RPRD1A: variants seen among roughly 807,000 people sequenced by gnomAD.
RPRD1A encodes regulation of nuclear pre-mRNA domain containing 1A.
In RPRD1A, 9 loss-of-function variants were observed where a neutral mutation model predicts 37.8. The ratio of observed to expected loss-of-function variants is 0.24; its 90% confidence interval spans 0.14 to 0.42. RPRD1A has a LOEUF of 0.42. RPRD1A is among the 10% of genes least tolerant of loss of function. The pLI, the probability that RPRD1A is intolerant of heterozygous loss-of-function variation, is 1.00. For missense variants in RPRD1A, 255 were observed against 371.0 expected, an observed-to-expected ratio of 0.69 and a Z score of 2.57; for synonymous variants, 138 against 139.7, an observed-to-expected ratio of 0.99 and a Z score of 0.08.
In RPRD1A at chr18:36,067,531, A is replaced by G. The variant is rs1250945145; in HGVS notation, c.-127T>C. The G allele has an allele frequency of 1.0e-6, 1 of 971,244 alleles. No individual in the cohort carries two copies. Among genetic ancestry groups the G allele is most frequent in the Non-Finnish European group, 1.5e-6 (1 of 685,554 alleles). 60.2% of individuals were successfully genotyped at this position (971,244 alleles called of 1,614,324 possible). On this transcript the variant is annotated 5_prime_UTR_variant, in exon 1 of 7. An upstream start codon of the reference 5' UTR is lost. Transcript: ENST00000399022. The stretch of plus-strand genomic sequence containing the variant: ...ACGCTCTCACCACGGCCGCCGCTTC[A>G]TCCAAGACCGGCCGCAAACCAGCAA...
chr18:36,053,638 T>C (rs995513585), intron 1 of RPRD1A, among the ~76,000 whole-genome samples: 2 of 152,200 alleles, frequency 1.3e-5, no homozygotes, highest in Non-Finnish European at 2.9e-5. Flanking sequence ...TCTTATAAAG[T>C]ATTTGTTTGA....
At chr18:36,066,337 T>C (rs917820225) in intron 1 of RPRD1A, among the ~76,000 whole-genome samples, 6 of 152,244 alleles carry the variant, frequency 3.9e-5, no homozygotes, top group African/African-American at 1.4e-4. Context: ...AGCGTCTATT[T>C]TGATTAATAA....
chr18:35,997,489 CA>C (rs1440341025), intron 6 of RPRD1A, among the ~76,000 whole-genome samples: 1 of 150,760 alleles, frequency 6.6e-6, no homozygotes, highest in African/African-American at 2.5e-5. Context: ...CATTCATAAG[CA>C]AAACATTCAA....
At chr18:35,998,003 A>G (rs1056160228) in intron 6 of RPRD1A, among the ~76,000 whole-genome samples, 2 of 152,222 alleles carry the variant, frequency 1.3e-5, no homozygotes, top group African/African-American at 4.8e-5. Context: ...ATTCTAAGAA[A>G]TAATATCCAT....
At chr18:36,027,638 T>C (rs1320311623) in intron 4 of RPRD1A, 6 of 203,148 alleles carry the variant, frequency 3.0e-5, no homozygotes, top group Admixed American at 1.0e-4. Flanking sequence ...AAAGAGAAGG[T>C]AGGCTATAAC....
At chr18:36,059,404 C>T (rs930449247) in intron 1 of RPRD1A, among the ~76,000 whole-genome samples, 1 of 152,116 alleles carries the variant, frequency 6.6e-6, no homozygotes, top group Non-Finnish European at 1.5e-5. Context: ...TCCCAAAGTG[C>T]TGGGATTACA....
intron 6 of RPRD1A, among the ~76,000 whole-genome samples, chr18:36,009,058 T>A (rs1376920269): frequency 6.6e-6 from 1 of 151,406 alleles, no homozygotes; most frequent in Non-Finnish European, 1.5e-5. Context: ...TTACTATAAT[T>A]TTTTTTTTGT....
At chr18:35,994,927 C>T (rs75953814) in intron 6 of RPRD1A, among the ~76,000 whole-genome samples, 4,527 of 152,192 alleles carry the variant, frequency 0.03, 249 homozygotes, top group African/African-American at 0.1. Flanking sequence ...TTCCATCATA[C>T]CACACTACCC....
intron 6 of RPRD1A, among the ~76,000 whole-genome samples, chr18:36,008,871 A>C (rs1817090811): frequency 6.6e-6 from 1 of 151,764 alleles, no homozygotes; most frequent in African/African-American, 2.4e-5. Context: ...TCTGTTACTT[A>C]TGTTGTTTCC....
intron 6 of RPRD1A, among the ~76,000 whole-genome samples, chr18:36,007,848 G>A (rs1909846315): frequency 6.6e-6 from 1 of 152,138 alleles, no homozygotes; most frequent in African/African-American, 2.4e-5. Context: ...TGAGGCAGGA[G>A]AATCGCTTGA....
chr18:36,055,355 T>G (rs1913686344), intron 1 of RPRD1A, among the ~76,000 whole-genome samples: 1 of 152,106 alleles, frequency 6.6e-6, no homozygotes, highest in South Asian at 2.1e-4. Context: ...CTAATTGATG[T>G]TTTCAGTTTT....
chr18:36,033,132 T>C (rs1911919357), intron 2 of RPRD1A, among the ~76,000 whole-genome samples: 1 of 151,686 alleles, frequency 6.6e-6, no homozygotes, highest in African/African-American at 2.4e-5. Context: ...TGAAACCTTG[T>C]CTCTACTAAA....
intron 6 of RPRD1A, among the ~76,000 whole-genome samples, chr18:35,996,977 C>CCA (rs1491180394): frequency 6.7e-4 from 37 of 55,618 alleles, no homozygotes; most frequent in Admixed American, 1.5e-3. Context: ...GACCCTGTCT[C>CCA]AAAAAAAAAA....
intron 1 of RPRD1A, among the ~76,000 whole-genome samples, chr18:36,051,216 C>T (rs768694263): frequency 6.6e-5 from 10 of 152,046 alleles, no homozygotes; most frequent in African/African-American, 1.7e-4. Context: ...ATCATCAAGA[C>T]GTGCGTCAAT....
intron 4 of RPRD1A, among the ~76,000 whole-genome samples, chr18:36,029,423 GT>G (rs1315562707): frequency 6.6e-6 from 1 of 152,106 alleles, no homozygotes; most frequent in Non-Finnish European, 1.5e-5. Flanking sequence ...GCAACCCCAT[GT>G]CTGCTTCGGG....
intron 1 of RPRD1A, chr18:36,040,727 C>T: frequency 2.6e-6 from 2 of 781,674 alleles, no homozygotes; most frequent in South Asian, 1.8e-5. Context: ...TCCTTACCCA[C>T]ATCTAATCAT....
intron 6 of RPRD1A, among the ~76,000 whole-genome samples, chr18:36,017,171 G>A (rs539217955): frequency 1.3e-5 from 2 of 152,088 alleles, no homozygotes; most frequent in Non-Finnish European, 2.9e-5. Context: ...TTAGTCGGGA[G>A]TCGTGGCACT....
Position 36,027,295 on chromosome 18 carries a change from T to C in RPRD1A, c.502A>G (p.Arg168Gly). 1 of 1,613,902 alleles carries C rather than the reference T, an allele frequency of 6.2e-7. No homozygotes were observed. Among genetic ancestry groups the C allele is most frequent in the Non-Finnish European group, 8.5e-7 (1 of 1,179,820 alleles). The change falls in exon 5 of 7, where the codon AGA becomes GGA. Residue 168 changes from arginine to glycine, a missense_variant. Physicochemically the swap from Arg to Gly is moderately radical, Grantham distance 125. Coordinates refer to ENST00000399022, the MANE Select transcript of RPRD1A (RefSeq NM_018170.5). ...GCATTTTCCAGATCTTGTAATGCTCTAACGAGATCTAGAGTCTAAAAAGTA... is the reference window on the plus strand; with the variant it reads ...GCATTTTCCAGATCTTGTAATGCTCCAACGAGATCTAGAGTCTAAAAAGTA... Reference protein sequence around the residue: ...SEPPQTLDLVRALQDLENAAS... With the variant: ...SEPPQTLDLVGALQDLENAAS...
intron 6 of RPRD1A, chr18:36,026,205 T>TACA (rs776211329): frequency 6.6e-6 from 1 of 152,458 alleles, no homozygotes; most frequent in Non-Finnish European, 1.5e-5. Flanking sequence ...GAAATTCTCC[T>TACA]ACATATTATT....
Sources: gnomAD v4.1 joint callset for allele counts (sites outside exome capture counted in the v4.1 genomes callset) on GRCh38, gnomAD v4.1.1 for gene constraint, MANE v1.5 for transcripts, NCBI Gene and HGNC (gene_info 2026-07-23, HGNC 2026-07-21) for gene names.